CHL1: variants seen among roughly 807,000 people sequenced by gnomAD.
CHL1 encodes cell adhesion molecule L1 like.
In CHL1, 96 loss-of-function variants were observed where a neutral mutation model predicts 141.9. The observed-to-expected ratio is 0.68, with a 90% CI of 0.57 to 0.80. CHL1 has a LOEUF of 0.80. Among genes scored for constraint, CHL1 ranks in the 30% least tolerant of loss-of-function variants. The probability of loss-of-function intolerance (pLI) is 0.00; values close to 1 mark genes in which losing one functional copy is unlikely to be tolerated. For missense variants in CHL1, 1,820 were observed against 1,457.2 expected (o/e 1.25, Z -4.05); for synonymous variants, 613 against 502.2 (o/e 1.22, Z -2.95).
Position 405,498 on chromosome 3 carries a change from C to T in CHL1, c.3462C>T (p.Asp1154=), listed in dbSNP as rs766083248. 1.1e-5 allele frequency: 18 copies of T among 1,606,036 alleles called. No individual in the cohort carries two copies. The South Asian group carries it at 1.9e-4, about 17-fold the overall frequency. The part of the protein sequence containing the change: ...VKDETFGEYS[D]SDEKPLKGSL... ...TTTTTGTTTGTTTGTTTTCTAGTGA[C>T]AGTGATGAAAAGCCTCTCAAAGGAA... The change falls in exon 28 of 28, where the codon GAC becomes GAT. Residue 1154 remains aspartate, a synonymous_variant. Coordinates refer to ENST00000256509, the MANE Select transcript of CHL1 (RefSeq NM_006614.4).
chr3:388,892 T>C (rs1042297998), intron 19 of CHL1, among the ~76,000 whole-genome samples: 1 of 152,206 alleles, frequency 6.6e-6, no homozygotes, highest in Non-Finnish European at 1.5e-5. Flanking sequence ...GCCTGTTCTT[T>C]GAAAATGAAA....
intron 8 of CHL1, among the ~76,000 whole-genome samples, chr3:344,012 A>C (rs1288854625): frequency 6.6e-6 from 1 of 152,210 alleles, no homozygotes; most frequent in Non-Finnish European, 1.5e-5. Flanking sequence ...GGGACACTTC[A>C]ATATGCAGGT....
chr3:400,143 G>T (rs1277469876), intron 26 of CHL1, among the ~76,000 whole-genome samples: 2 of 152,090 alleles, frequency 1.3e-5, no homozygotes. Context: ...ACTGCTATTT[G>T]TTTCATGATG....
At chr3:200,330 G>T (rs1698802502) in intron 1 of CHL1, among the ~76,000 whole-genome samples, 2 of 152,122 alleles carry the variant, frequency 1.3e-5, no homozygotes, top group African/African-American at 4.8e-5. Context: ...AGATTGGGAG[G>T]TGTTGAGTTC....
intron 1 of CHL1, among the ~76,000 whole-genome samples, chr3:201,512 ATGTG>A (rs1698938072): frequency 6.6e-6 from 1 of 151,956 alleles, no homozygotes. Flanking sequence ...GTATATGTGT[ATGTG>A]TGTGTGCGTG....
chr3:277,052 A>G (rs1010152150), intron 2 of CHL1, among the ~76,000 whole-genome samples: 1 of 152,130 alleles, frequency 6.6e-6, no homozygotes, highest in Non-Finnish European at 1.5e-5. Flanking sequence ...TACCTGCCTC[A>G]TAGGATTATT....
At chr3:396,595 C>A (rs1032861873) in intron 24 of CHL1, among the ~76,000 whole-genome samples, 3 of 151,860 alleles carry the variant, frequency 2.0e-5, no homozygotes, top group Admixed American at 6.6e-5. Context: ...GATGTGGCAT[C>A]TTTTCTTTAA....
Position 394,772 on chromosome 3 carries a change from C to T in CHL1, c.2994C>T (p.Asn998=). 6.2e-7 allele frequency: 1 copy of T among 1,613,910 alleles called. No individual in the cohort carries two copies. The highest frequency in any genetic ancestry group is 8.5e-7 in the Non-Finnish European group (1 of 1,179,888). ...CAAAGCCCAGCTGGCACCTCTCAAACCTGAATGCAACTACCAAGTACAAAT... is the reference window on the plus strand; with the variant it reads ...CAAAGCCCAGCTGGCACCTCTCAAATCTGAATGCAACTACCAAGTACAAAT... The part of the protein sequence containing the change: ...TPSKPSWHLS[N]LNATTKYKFY... The change falls in exon 24 of 28, where the codon AAC becomes AAT. Residue 998 remains asparagine (N), a synonymous_variant. Transcript: ENST00000256509.
Position 398,368 on chromosome 3 carries a change from T to C in CHL1, c.3236T>C (p.Ile1079Thr), listed in dbSNP as rs1274524980. Reference protein sequence around the residue: ...GDNDSIFQDVIETRGREYAGL... With the variant: ...GDNDSIFQDVTETRGREYAGL... ...AATGATAGCATTTTTCAAGATGTAA[T>C]TGAGACAAGAGGGAGAGGTGAGAAA... is the stretch of plus-strand genomic sequence containing the variant. The change falls in exon 25 of 28, where the codon ATT becomes ACT. Residue 1079 changes from isoleucine (I) to threonine (T), a missense_variant. Transcript: ENST00000256509. 3 of 1,601,136 alleles carry C rather than the reference T, an allele frequency of 1.9e-6. No homozygotes were observed. Among genetic ancestry groups the C allele is most frequent in the South Asian group, 2.2e-5 (2 of 90,696 alleles).
intron 1 of CHL1, among the ~76,000 whole-genome samples, chr3:218,932 G>A (rs1700568083): frequency 6.6e-6 from 1 of 152,080 alleles, no homozygotes; most frequent in Non-Finnish European, 1.5e-5. Context: ...GGATCACGAG[G>A]TCAGGAGATC....
rs559930389 is a variant in CHL1, at chr3:242,457, G to A, written c.-174-2156G>A. 7.0e-4 allele frequency among the ~76,000 whole-genome samples: 102 copies of A among 145,452 alleles called. 5 individuals are homozygous for A. The South Asian group carries it at 9.5e-3, about 14-fold the overall frequency. On this transcript the variant is annotated intron_variant, in intron 1 of 27. Transcript: ENST00000256509. ...TAAAAATACAAAAAATTATCCCGGC[G>A]TGGTGGTGGGCGCCTGTAGTCCCAG...
chr3:207,124 G>A (rs1447256585), intron 1 of CHL1, among the ~76,000 whole-genome samples: 2 of 152,194 alleles, frequency 1.3e-5, no homozygotes, highest in Non-Finnish European at 2.9e-5. Context: ...ATATATTTGG[G>A]AGTTTTAAGA....
At chr3:399,454 A>G (rs998868850) in intron 26 of CHL1, among the ~76,000 whole-genome samples, 19 of 152,122 alleles carry the variant, frequency 1.2e-4, no homozygotes, top group Non-Finnish European at 2.9e-5. Context: ...ATCCTGGCCA[A>G]CATGATGAAA....
At chr3:226,374 T>TA (rs1553577519) in intron 1 of CHL1, among the ~76,000 whole-genome samples, 8 of 144,298 alleles carry the variant, frequency 5.5e-5, no homozygotes, top group African/African-American at 2.0e-4. Flanking sequence ...ATAGAATATT[T>TA]TATATATATA....
chr3:238,770 CAAAAAAAA>C (rs145162673), intron 1 of CHL1, among the ~76,000 whole-genome samples: 7 of 145,460 alleles, frequency 4.8e-5, no homozygotes, highest in African/African-American at 1.8e-4. Flanking sequence ...ACTAAAAATA[CAAAAAAAA>C]AAAAAATAGC....
intron 1 of CHL1, among the ~76,000 whole-genome samples, chr3:243,036 G>T (rs897839201): frequency 6.6e-6 from 1 of 152,132 alleles, no homozygotes; most frequent in African/African-American, 2.4e-5. Flanking sequence ...GTCTTAGACA[G>T]ATCTAATGTT....
chr3:316,450 T>C (rs773970380), intron 2 of CHL1, among the ~76,000 whole-genome samples: 4 of 151,840 alleles, frequency 2.6e-5, no homozygotes, highest in Non-Finnish European at 4.4e-5. Context: ...AAATTTTTCT[T>C]TTGAAGTGGT....
intron 2 of CHL1, among the ~76,000 whole-genome samples, chr3:289,974 A>G (rs1215627566): frequency 1.6e-5 from 2 of 125,602 alleles, no homozygotes; most frequent in African/African-American, 6.6e-5. Context: ...TCACTCTATC[A>G]CCCAGGGTGG....
intron 3 of CHL1, among the ~76,000 whole-genome samples, chr3:321,429 T>C (rs1700555618): frequency 1.3e-5 from 2 of 152,076 alleles, no homozygotes; most frequent in South Asian, 2.1e-4. Flanking sequence ...AGTACCTTCA[T>C]CTTTAGTGAA....
Sources: gnomAD v4.1 joint callset for allele counts (sites outside exome capture counted in the v4.1 genomes callset) on GRCh38, gnomAD v4.1.1 for gene constraint, MANE v1.5 for transcripts, NCBI Gene and HGNC (gene_info 2026-07-23, HGNC 2026-07-21) for gene names.